The following IL36G variants were observed in gnomAD, a reference collection of about 807,000 sequenced individuals.
IL36G encodes interleukin-36 gamma.
In IL36G, 10 loss-of-function variants were observed where a neutral mutation model predicts 13.5. The ratio of observed to expected loss-of-function variants is 0.74; its 90% CI spans 0.46 to 1.26. The LOEUF (loss-of-function observed/expected upper bound fraction) is 1.26, where lower values mean the gene tolerates loss of function less well. Among genes scored for constraint, IL36G ranks in the 50% most tolerant of loss-of-function variants. The pLI, the probability that IL36G is intolerant of heterozygous loss-of-function variation, is 0.00. For missense variants in IL36G, 199 were observed against 203.0 expected, an observed-to-expected ratio of 0.98 and a Z score of 0.12; for synonymous variants, 84 against 74.0, an observed-to-expected ratio of 1.13 and a Z score of -0.69.
intron 3 of IL36G, 54 bp downstream of exon 3, chr2:112,979,379 C>A (rs1161141775): frequency 1.1e-5 from 11 of 1,039,666 alleles, no homozygotes; most frequent in Non-Finnish European, 1.6e-5. Context: ...GGCTGGGAAG[C>A]TGGCATCAGC....
chr2:112,982,324 C>A (rs531248043), intron 4 of IL36G, among the ~76,000 whole-genome samples: 1 of 152,090 alleles, frequency 6.6e-6, no homozygotes, highest in African/African-American at 2.4e-5. Flanking sequence ...CAGTGAGGAC[C>A]GGTGTGCAGG....
At chr2:112,984,738 G>T (rs1028311812) in intron 4 of IL36G, 102 bp from the exon 5 acceptor site, 89 of 1,014,574 alleles carry the variant, frequency 8.8e-5, no homozygotes, top group Middle Eastern at 6.7e-4. Flanking sequence ...GATGGATAAG[G>T]TTTTCTGGAA....
rs376108462 is a variant in IL36G, at chr2:112,979,212, C to A, written c.56-9C>A. The A allele has an allele frequency of 3.1e-4, 477 of 1,552,596 alleles. 1 individual carries two copies. The highest frequency in any genetic ancestry group is 2.0e-3 in the East Asian group (90 of 44,564). ...TATTTCTTCATTTTTTTCTCTATCC[C>A]AAAATCAGTGTGTAAACCTATTACT... On this transcript the variant is annotated splice_polypyrimidine_tract_variant and intron_variant, in intron 2 of 4. Transcript: ENST00000259205.
chr2:112,981,371 T>C (rs558235195), intron 4 of IL36G: 4 of 746,452 alleles, frequency 5.4e-6, no homozygotes, highest in Non-Finnish European at 9.8e-6. Flanking sequence ...GGGCCTTCTC[T>C]GTGGTTCGTC....
chr2:112,982,878 A>G (rs1187678594), intron 4 of IL36G, among the ~76,000 whole-genome samples: 1 of 152,210 alleles, frequency 6.6e-6, no homozygotes, highest in Non-Finnish European at 1.5e-5. Context: ...GATCAGAGAC[A>G]GCAGATATGG....
At chr2:112,980,534 G>C (rs367900053) in intron 4 of IL36G, among the ~76,000 whole-genome samples, 3 of 152,354 alleles carry the variant, frequency 2.0e-5, no homozygotes, top group East Asian at 1.9e-4. Flanking sequence ...CTGATGCTCT[G>C]AACAGGGAGA....
intron 4 of IL36G, among the ~76,000 whole-genome samples, chr2:112,982,182 G>C (rs1047796139): frequency 6.6e-6 from 1 of 152,202 alleles, no homozygotes; most frequent in Admixed American, 6.5e-5. Context: ...GCAGTACCAG[G>C]AACACAGGCG....
At chr2:112,981,483 A>G (rs1684259654) in intron 4 of IL36G, 2 of 591,998 alleles carry the variant, frequency 3.4e-6, no homozygotes, top group South Asian at 1.9e-5. Flanking sequence ...AGGATGCAGC[A>G]TTGTGCGGGT....
At position 112,979,302 on chromosome 2, in the gene IL36G, C is replaced by A. The variant is rs144340286; in HGVS notation, c.137C>A (p.Pro46Gln). 16 of 1,611,108 alleles carry A rather than the reference C, an allele frequency of 9.9e-6. No homozygotes were observed. In the East Asian group the frequency reaches 2.5e-4, roughly 25 times the overall value. The part of the protein sequence containing the change: ...TLQGQNLVAV[P>Q]RSDSVTPVTV... ...CAGGGTCAGAACCTTGTGGCAGTTC[C>A]ACGAAGTGACAGTGTGACCCCAGGT... The change falls in exon 3 of 5, where the codon CCA (proline) becomes CAA (glutamine). Residue 46 changes from proline (P) to glutamine (Q), a missense_variant. Transcript: ENST00000259205.
intron 2 of IL36G, among the ~76,000 whole-genome samples, 198 bp from the exon 3 acceptor site, chr2:112,979,023 C>G (rs1330924035): frequency 6.6e-6 from 1 of 152,206 alleles, no homozygotes; most frequent in Non-Finnish European, 1.5e-5. Flanking sequence ...CTTGGTAGCC[C>G]TTGCCTTCCT....
At chr2:112,984,818 G>A in intron 4 of IL36G, 22 bp from the exon 5 acceptor site, 1 of 1,585,768 alleles carries the variant, frequency 6.3e-7, no homozygotes, top group Non-Finnish European at 8.7e-7. Context: ...TCTCCTAATG[G>A]GTACTTGTTC....
At chr2:112,978,733 G>C (rs749349270) in intron 2 of IL36G, 40 bp downstream of exon 2, 9 of 1,592,664 alleles carry the variant, frequency 5.7e-6, no homozygotes, top group Non-Finnish European at 7.7e-6. Flanking sequence ...TGGAGGCTTA[G>C]GCCCTCTGCA....
At chr2:112,979,939 C>A in intron 3 of IL36G, 70 bp from the exon 4 acceptor site, 3 of 1,499,624 alleles carry the variant, frequency 2.0e-6, no homozygotes, top group Admixed American at 1.8e-5. Flanking sequence ...GAGGATACTG[C>A]CCTGCTAAAT....
chr2:112,979,925 A>C, intron 3 of IL36G, 84 bp from the exon 4 acceptor site: 1 of 1,374,990 alleles, frequency 7.3e-7, no homozygotes, highest in Non-Finnish European at 1.0e-6. Context: ...TTCCAGATCC[A>C]CTTGAGGATA....
chr2:112,979,311 A>G lies in IL36G; in HGVS notation c.146A>G (p.Asp49Gly), dbSNP rs764086284. ...AACCTTGTGGCAGTTCCACGAAGTG[A>G]CAGTGTGACCCCAGGTGAGTGGTCA... The part of the protein sequence containing the change: ...GQNLVAVPRS[D>G]SVTPVTVAVI... The change falls in exon 3 of 5, where the codon GAC becomes GGC. Residue 49 changes from aspartate to glycine, a missense_variant. Coordinates refer to ENST00000259205, the MANE Select transcript of IL36G (RefSeq NM_019618.4). The G allele has an allele frequency of 6.2e-7, 1 of 1,608,164 alleles. No homozygotes were observed. Among genetic ancestry groups the G allele is most frequent in the South Asian group, 1.1e-5 (1 of 90,970 alleles).
chr2:112,981,339 C>T, intron 4 of IL36G: 1 of 800,996 alleles, frequency 1.2e-6, no homozygotes. Context: ...TTTGGAGGAG[C>T]AGGTTTAGCA....
intron 3 of IL36G, among the ~76,000 whole-genome samples, chr2:112,979,731 A>G (rs1016948842): frequency 1.3e-5 from 2 of 152,176 alleles, no homozygotes; most frequent in Non-Finnish European, 2.9e-5. Context: ...GGAGCTCCCC[A>G]TCTCCATGTG....
intron 2 of IL36G, 79 bp downstream of exon 2, chr2:112,978,772 C>G (rs1477433525): frequency 2.2e-6 from 3 of 1,368,392 alleles, no homozygotes; most frequent in African/African-American, 2.9e-5. Context: ...GAAGCCCCAG[C>G]CTTCTCTGCT....
chr2:112,981,094 C>G lies in IL36G; in HGVS notation c.300+946C>G, dbSNP rs1004385392. ...AACAAAATTCTGCATTTTTATAAAA[C>G]TTGATAAAAAATAGTTTTTCAAACT... On this transcript the variant is annotated intron_variant, in intron 4 of 4. Coordinates refer to ENST00000259205, the MANE Select transcript of IL36G (RefSeq NM_019618.4). The G allele has an allele frequency of 1.0e-5, 8 of 776,090 alleles. No individual in the cohort carries two copies. In the African/African-American group the frequency reaches 1.4e-4, roughly 13 times the overall value. 48.1% of individuals were successfully genotyped at this position (776,090 alleles called of 1,614,324 possible). A position where few individuals can be genotyped will look rare whatever the true frequency, so the allele number is the denominator to read the frequency against.
Sources: allele counts gnomAD v4.1 joint callset (sites outside exome capture counted in the v4.1 genomes callset), GRCh38; gene constraint gnomAD v4.1.1; transcripts MANE v1.5; gene names NCBI Gene and HGNC (gene_info 2026-07-23, HGNC 2026-07-21).